Variants in PIK3C2A observed in about 807,000 individuals in gnomAD.
PIK3C2A encodes phosphatidylinositol-4-phosphate 3-kinase catalytic subunit type 2 alpha, also known as phosphatidylinositol 4-phosphate 3-kinase C2 domain-containing subunit alpha.
Under a neutral mutation model 204.5 loss-of-function variants are expected in PIK3C2A, and 97 were observed. The observed-to-expected ratio is 0.47, with a 90% CI of 0.40 to 0.56. PIK3C2A has a LOEUF of 0.56. PIK3C2A is among the 20% of genes least tolerant of loss of function. PIK3C2A has a pLI of 0.00. For synonymous variants in PIK3C2A, 653 were observed against 664.4 expected (o/e 0.98, Z 0.26); for missense variants, 1,735 against 1,969.2 (o/e 0.88, Z 2.25).
intron 1 of PIK3C2A, among the ~76,000 whole-genome samples, chr11:17,170,942 A>T (rs935217099): frequency 1.3e-5 from 2 of 152,118 alleles, no homozygotes; most frequent in African/African-American, 4.8e-5. Context: ...TCTCTACTAA[A>T]TATACAAAAA....
At chr11:17,131,115 G>C (rs778569476) in intron 12 of PIK3C2A, among the ~76,000 whole-genome samples, 4 of 152,268 alleles carry the variant, frequency 2.6e-5, no homozygotes, top group Admixed American at 1.3e-4. Context: ...TTGAACTCGA[G>C]AGGTGGAGCT....
chr11:17,178,502 G>C (rs936228432), intron 1 of PIK3C2A, among the ~76,000 whole-genome samples: 8 of 152,210 alleles, frequency 5.3e-5, no homozygotes, highest in South Asian at 2.1e-4. Flanking sequence ...CTGTTATTCT[G>C]GGGGAGAACA....
At chr11:17,188,209 A>AC (rs1247220427) in intron 1 of PIK3C2A, among the ~76,000 whole-genome samples, 8 of 147,362 alleles carry the variant, frequency 5.4e-5, no homozygotes, top group African/African-American at 1.9e-4. Flanking sequence ...ATGGTGGTGC[A>AC]TGCCTGTAAT....
At chr11:17,173,929 A>AGTAGCTGGGATTACAGG (rs2137502552) in intron 1 of PIK3C2A, among the ~76,000 whole-genome samples, 1 of 152,214 alleles carries the variant, frequency 6.6e-6, no homozygotes, top group South Asian at 2.1e-4. Flanking sequence ...CAGCCTCCCG[A>AGTAGCTGGGATTACAGG]GTAGCTGGGA....
intron 29 of PIK3C2A, 32 bp downstream of exon 29, chr11:17,092,127 A>T: frequency 6.8e-7 from 1 of 1,476,190 alleles, no homozygotes; most frequent in Non-Finnish European, 9.5e-7. Context: ...AAAAGGTATA[A>T]GATGTTATTA....
intron 13 of PIK3C2A, among the ~76,000 whole-genome samples, chr11:17,127,201 A>G (rs932111906): frequency 5.9e-5 from 9 of 152,324 alleles, no homozygotes; most frequent in Middle Eastern, 6.8e-3. Flanking sequence ...TATGTCAGGT[A>G]TTAAAATCTG....
intron 1 of PIK3C2A, among the ~76,000 whole-genome samples, chr11:17,179,256 G>C (rs1223624046): frequency 2.0e-5 from 3 of 152,138 alleles, no homozygotes; most frequent in Non-Finnish European, 4.4e-5. Context: ...AGAACTCCTG[G>C]GCTCAAGCAA....
At chr11:17,105,401 T>A in intron 22 of PIK3C2A, 96 bp from the exon 23 acceptor site, 1 of 1,077,578 alleles carries the variant, frequency 9.3e-7, no homozygotes, top group Non-Finnish European at 1.3e-6. Flanking sequence ...AATTTCACTT[T>A]AAGTTCTGGG....
intron 8 of PIK3C2A, among the ~76,000 whole-genome samples, 173 bp downstream of exon 8, chr11:17,145,495 C>G (rs949098345): frequency 6.6e-6 from 1 of 152,078 alleles, no homozygotes; most frequent in African/African-American, 2.4e-5. Context: ...CCTGAGGCCT[C>G]CCCAGTCATG....
chr11:17,119,445 T>C, intron 16 of PIK3C2A, 132 bp from the exon 17 acceptor site: 2 of 659,360 alleles, frequency 3.0e-6, no homozygotes, highest in Non-Finnish European at 5.4e-6. Context: ...AAGCAATGTA[T>C]TTCTTCTTTT....
At position 17,150,623 on chromosome 11, in the gene PIK3C2A, C is replaced by T. The variant is rs749543841; in HGVS notation, c.1202G>A (p.Arg401His). 25 of 1,605,360 alleles carry T rather than the reference C, an allele frequency of 1.6e-5. No individual in the cohort carries two copies. The highest frequency in any genetic ancestry group is 2.0e-5 in the Non-Finnish European group (24 of 1,176,534). ...LKTKFPYTNH[R>H]TNPGYLLSPV... ...ACTTAACAAATAGCCTGGGTTTGTG[C>T]GGTGATTGGTATATGGAAATTTGGT... Residue 401 changes from arginine to histidine, a missense_variant, in exon 4 of 33, where the codon CGC becomes CAC. By Grantham distance (29) the Arg-to-His change is conservative. This residue lies in a region of PIK3C2A where 536 missense variants were observed against 546.7 expected (regional missense o/e 0.98). Coordinates refer to ENST00000691414, the MANE Select transcript of PIK3C2A (RefSeq NM_002645.4).
intron 30 of PIK3C2A, 82 bp from the exon 31 acceptor site, chr11:17,091,738 G>A: frequency 1.1e-6 from 1 of 930,610 alleles, no homozygotes; most frequent in South Asian, 1.5e-5. Flanking sequence ...TTATTTTCAA[G>A]ACTGTCACAT....
At chr11:17,138,396 T>G (rs1006162020) in intron 8 of PIK3C2A, 1 of 373,804 alleles carries the variant, frequency 2.7e-6, no homozygotes, top group Non-Finnish European at 5.1e-6. Context: ...TGCACCCTCA[T>G]GCTATGTTCT....
intron 25 of PIK3C2A, 127 bp downstream of exon 25, chr11:17,101,151 C>T: frequency 3.8e-6 from 2 of 530,324 alleles, no homozygotes; most frequent in Non-Finnish European, 6.6e-6. Flanking sequence ...AATATCTGAG[C>T]AATAATGTAT....
intron 2 of PIK3C2A, among the ~76,000 whole-genome samples, chr11:17,158,372 A>AAT (rs560150075): frequency 0.028 from 4,113 of 147,424 alleles, 165 homozygotes; most frequent in African/African-American, 0.08. Context: ...AATAATAATA[A>AAT]ATATATATAT....
chr11:17,101,781 T>G (rs61763079), intron 24 of PIK3C2A, among the ~76,000 whole-genome samples: 1 of 151,772 alleles, frequency 6.6e-6, no homozygotes, highest in Non-Finnish European at 1.5e-5. Flanking sequence ...TTTTTTGTAT[T>G]TTTAGTAGAG....
intron 13 of PIK3C2A, among the ~76,000 whole-genome samples, chr11:17,125,795 G>A (rs774892857): frequency 7.4e-4 from 113 of 151,920 alleles, no homozygotes; most frequent in African/African-American, 2.6e-3. Context: ...CCACCATAAC[G>A]GGCTAGCTAA....
rs551048637 is a variant in PIK3C2A at position 17,184,846 on chromosome 11, G to A, written c.-65-15040C>T. On this transcript the variant is annotated intron_variant, in intron 1 of 32. Transcript: ENST00000691414. The stretch of plus-strand genomic sequence containing the variant: ...TATTCCTAGCTACTCAGGAGGCTGA[G>A]GTGGGAGGATCATTTGAGCCTAGGA... Among the ~76,000 whole-genome samples, 145 of 152,246 alleles carry A rather than the reference G, an allele frequency of 9.5e-4. 1 individual carries two copies. The highest frequency in any genetic ancestry group is 6.8e-3 in the Middle Eastern group (2 of 294).
intron 2 of PIK3C2A, among the ~76,000 whole-genome samples, chr11:17,156,377 C>A (rs1239285021): frequency 6.6e-6 from 1 of 152,136 alleles, no homozygotes; most frequent in East Asian, 1.9e-4. Context: ...CTATGGCACA[C>A]AAAAAGACTT....
Sources: gnomAD v4.1 joint callset for allele counts (sites outside exome capture counted in the v4.1 genomes callset) on GRCh38, gnomAD v4.1.1 for gene constraint, gnomAD v4.1.1 regional missense constraint, MANE v1.5 for transcripts, NCBI Gene and HGNC (gene_info 2026-07-23, HGNC 2026-07-21) for gene names.